Variants in PTPRG observed in about 807,000 individuals in gnomAD.
The protein encoded by PTPRG is receptor-type tyrosine-protein phosphatase gamma.
In PTPRG, 102 loss-of-function variants were observed where a neutral mutation model predicts 165.3. That is an observed-to-expected ratio of 0.62 (90% CI 0.53 to 0.73). The LOEUF (loss-of-function observed/expected upper bound fraction) is 0.73. Among genes scored for constraint, PTPRG ranks in the 30% least tolerant of loss-of-function variants. The probability of loss-of-function intolerance (pLI) is 0.00; values close to 1 mark genes in which losing one functional copy is unlikely to be tolerated. For synonymous variants in PTPRG, 675 were observed against 669.5 expected, an observed-to-expected ratio of 1.01 and a Z score of -0.13; for missense variants, 1,866 against 1,861.4, an observed-to-expected ratio of 1.00 and a Z score of -0.05.
intron 5 of PTPRG, among the ~76,000 whole-genome samples, chr3:62,092,286 A>C (rs1038341947): frequency 1.3e-5 from 2 of 151,714 alleles, no homozygotes; most frequent in Non-Finnish European, 1.5e-5. Context: ...CTAAAAATAC[A>C]AAATTTAGCT....
intron 27 of PTPRG, 131 bp downstream of exon 27, chr3:62,281,840 T>C: frequency 1.1e-6 from 1 of 900,142 alleles, no homozygotes; most frequent in African/African-American, 1.7e-5. Context: ...TTTAAATATG[T>C]ACATTTTCCG....
At chr3:62,218,273 G>T (rs1700562832) in intron 12 of PTPRG, among the ~76,000 whole-genome samples, 1 of 152,178 alleles carries the variant, frequency 6.6e-6, no homozygotes, top group Admixed American at 6.5e-5. Flanking sequence ...GTCCCACCAT[G>T]ACTGTGTCTG....
chr3:62,196,384 C>T (rs2106821203), intron 10 of PTPRG, among the ~76,000 whole-genome samples: 1 of 152,026 alleles, frequency 6.6e-6, no homozygotes, highest in East Asian at 1.9e-4. Context: ...GGCTGGGCAA[C>T]AAGAGTAAAA....
rs116063625 is a variant in PTPRG at position 61,723,232 on chromosome 3, G to A, written c.86-25646G>A. 4.3e-3 allele frequency among the ~76,000 whole-genome samples: 659 copies of A among 152,168 alleles called. 1 individual carries two copies. The highest frequency in any genetic ancestry group is 6.7e-3 in the Non-Finnish European group (458 of 67,986). ...CAGTATTTTATTGGATGATTGACAG[G>A]AAGTTACAGATTTAAAGTCATGGTG... On this transcript the variant is annotated intron_variant, in intron 1 of 29. Coordinates refer to ENST00000474889, the MANE Select transcript of PTPRG (RefSeq NM_002841.4).
intron 2 of PTPRG, among the ~76,000 whole-genome samples, chr3:61,968,417 A>T (rs893461860): frequency 1.3e-5 from 2 of 152,182 alleles, no homozygotes; most frequent in Non-Finnish European, 2.9e-5. Flanking sequence ...CCATCTGTGC[A>T]TAACTGTTCC....
chr3:61,945,926 A>G (rs1270925697), intron 2 of PTPRG, among the ~76,000 whole-genome samples: 1 of 152,206 alleles, frequency 6.6e-6, no homozygotes, highest in Non-Finnish European at 1.5e-5. Flanking sequence ...TGCCCAAGCT[A>G]TATGCTCATT....
chr3:61,836,742 T>TG (rs2036474674), intron 2 of PTPRG, among the ~76,000 whole-genome samples: 1 of 25,142 alleles, frequency 4.0e-5, no homozygotes, highest in Admixed American at 2.5e-4. Context: ...TGTTGTTTTT[T>TG]GTTTTTTTAT....
chr3:61,621,061 G>A (rs1206544863), intron 1 of PTPRG, among the ~76,000 whole-genome samples: 22 of 124,374 alleles, frequency 1.8e-4, no homozygotes, highest in East Asian at 7.8e-4. Context: ...ATGTGTGTGT[G>A]TGTGTGTGTG....
chr3:61,996,602 G>T (rs1403423384), intron 3 of PTPRG, among the ~76,000 whole-genome samples: 1 of 152,210 alleles, frequency 6.6e-6, no homozygotes, highest in African/African-American at 2.4e-5. Context: ...CAGTGTCTTT[G>T]TAGTACCCTG....
At chr3:61,941,296 G>A (rs1468648559) in intron 2 of PTPRG, among the ~76,000 whole-genome samples, 1 of 152,198 alleles carries the variant, frequency 6.6e-6, no homozygotes. Context: ...TCTCTATCAG[G>A]GATAATCTCA....
chr3:61,959,577 A>G (rs989586131), intron 2 of PTPRG, among the ~76,000 whole-genome samples: 1 of 152,222 alleles, frequency 6.6e-6, no homozygotes, highest in African/African-American at 2.4e-5. Context: ...GGTTCCTAAC[A>G]CTAAGGGATG....
chr3:61,751,880 C>A (rs958310511), intron 2 of PTPRG, among the ~76,000 whole-genome samples: 3 of 151,800 alleles, frequency 2.0e-5, no homozygotes, highest in African/African-American at 7.3e-5. Flanking sequence ...GTAGTCCCAG[C>A]TGCTGGGGAG....
chr3:61,602,122 T>G (rs1218920366), intron 1 of PTPRG, among the ~76,000 whole-genome samples: 5 of 152,134 alleles, frequency 3.3e-5, no homozygotes, highest in African/African-American at 1.2e-4. Context: ...AATGGAAGCC[T>G]TCTTGGGCTT....
At chr3:61,970,229 C>CGT (rs111554824) in intron 2 of PTPRG, among the ~76,000 whole-genome samples, 3,948 of 152,114 alleles carry the variant, frequency 0.026, 134 homozygotes, top group South Asian at 0.082. Context: ...TTGAGAAACT[C>CGT]ATGAGGAGAA....
At chr3:61,744,563 T>C (rs1266041935) in intron 1 of PTPRG, among the ~76,000 whole-genome samples, 1 of 152,188 alleles carries the variant, frequency 6.6e-6, no homozygotes, top group Non-Finnish European at 1.5e-5. Flanking sequence ...TTTATTATAA[T>C]CTCATGGGAC....
intron 1 of PTPRG, among the ~76,000 whole-genome samples, chr3:61,726,075 A>G (rs987664270): frequency 2.6e-5 from 4 of 152,212 alleles, no homozygotes; most frequent in African/African-American, 9.6e-5. Flanking sequence ...GGTAGAGAAC[A>G]GGCCTTCCCC....
chr3:62,061,998 C>T (rs1209619677), intron 4 of PTPRG, among the ~76,000 whole-genome samples: 1 of 151,316 alleles, frequency 6.6e-6, no homozygotes, highest in Non-Finnish European at 1.5e-5. Context: ...TGGCATTTTT[C>T]GTTACAATTT....
intron 2 of PTPRG, among the ~76,000 whole-genome samples, chr3:61,966,122 A>G (rs553630190): frequency 6.6e-5 from 10 of 152,350 alleles, no homozygotes; most frequent in Non-Finnish European, 1.5e-4. Context: ...TTGCATGTCA[A>G]CAAGGTCTTC....
chr3:61,711,006 C>T lies in PTPRG; in HGVS notation c.86-37872C>T, dbSNP rs1012130019. Among the ~76,000 whole-genome samples, 3 of 151,972 alleles carry T rather than the reference C, an allele frequency of 2.0e-5. No homozygotes were observed. In the South Asian group the frequency reaches 6.2e-4, roughly 32 times the overall value. ...CTCACTGTTCAACTCCCACTTATGA[C>T]TCAGAACATGCAGTGTTTGGTTTTC... is the stretch of plus-strand genomic sequence containing the variant. On this transcript the variant is annotated intron_variant, in intron 1 of 29. Transcript: ENST00000474889.
Sources: allele counts gnomAD v4.1 joint callset (sites outside exome capture counted in the v4.1 genomes callset), GRCh38; gene constraint gnomAD v4.1.1; transcripts MANE v1.5; gene names NCBI Gene and HGNC (gene_info 2026-07-23, HGNC 2026-07-21).